HCN1: variants seen among roughly 807,000 people sequenced by gnomAD.
HCN1 encodes the protein hyperpolarization activated cyclic nucleotide gated potassium channel 1.
HCN1 carries 13 observed loss-of-function variants against 78.9 expected under a neutral mutation model. The observed-to-expected ratio is 0.16, with a 90% confidence interval of 0.11 to 0.26. The LOEUF (loss-of-function observed/expected upper bound fraction) is 0.26, where lower values mean the gene tolerates loss of function less well. Ranked by LOEUF, HCN1 falls within the 10% of genes least tolerant of loss-of-function variation. The pLI is 1.00. For synonymous variants in HCN1, 552 were observed against 455.5 expected, an observed-to-expected ratio of 1.21 and a Z score of -2.70; for missense variants, 810 against 1,154.3, an observed-to-expected ratio of 0.70 and a Z score of 4.32.
At chr5:45,333,743 A>C (rs564679103) in intron 5 of HCN1, among the ~76,000 whole-genome samples, 1 of 151,666 alleles carries the variant, frequency 6.6e-6, no homozygotes, top group East Asian at 1.9e-4. Context: ...TGAAGAGACT[A>C]TCTATTCCCC....
intron 1 of HCN1, among the ~76,000 whole-genome samples, chr5:45,653,892 A>G (rs1745721797): frequency 6.6e-6 from 1 of 152,140 alleles, no homozygotes; most frequent in Admixed American, 6.6e-5. Context: ...CACATTGTGC[A>G]CATGTACCCT....
chr5:45,639,115 T>A (rs1031537172), intron 2 of HCN1, among the ~76,000 whole-genome samples: 4 of 152,188 alleles, frequency 2.6e-5, no homozygotes, highest in African/African-American at 9.7e-5. Context: ...TCCATAGTCA[T>A]CTTTTTCTTT....
At chr5:45,348,015 C>T (rs367769404) in intron 5 of HCN1, among the ~76,000 whole-genome samples, 33 of 152,174 alleles carry the variant, frequency 2.2e-4, no homozygotes, top group East Asian at 9.7e-4. Flanking sequence ...ATACAGAGAA[C>T]GCCACAAAGA....
At chr5:45,427,875 T>C (rs1164579920) in intron 3 of HCN1, among the ~76,000 whole-genome samples, 1 of 152,120 alleles carries the variant, frequency 6.6e-6, no homozygotes, top group Non-Finnish European at 1.5e-5. Context: ...TGCTTTGCTA[T>C]GATTGTATGA....
intron 2 of HCN1, among the ~76,000 whole-genome samples, chr5:45,627,367 T>C (rs1297446333): frequency 6.6e-6 from 1 of 152,170 alleles, no homozygotes; most frequent in African/African-American, 2.4e-5. Context: ...TGTGATCAGT[T>C]TGCATCATGT....
At chr5:45,664,482 AAAAG>A (rs1745992846) in intron 1 of HCN1, among the ~76,000 whole-genome samples, 1 of 150,506 alleles carries the variant, frequency 6.6e-6, no homozygotes, top group African/African-American at 2.4e-5. Flanking sequence ...GAAAAAAAAA[AAAAG>A]AAACTACCAT....
intron 2 of HCN1, among the ~76,000 whole-genome samples, chr5:45,640,201 C>T (rs1745425722): frequency 6.6e-6 from 1 of 152,172 alleles, no homozygotes; most frequent in Non-Finnish European, 1.5e-5. Flanking sequence ...TCCTTATTTG[C>T]AGCATCTCCA....
At chr5:45,512,696 G>T (rs545584819) in intron 2 of HCN1, among the ~76,000 whole-genome samples, 1 of 152,074 alleles carries the variant, frequency 6.6e-6, no homozygotes, top group South Asian at 2.1e-4. Flanking sequence ...CAGTAGCCAC[G>T]GTTACATTGT....
At chr5:45,332,803 T>C (rs1388130273) in intron 5 of HCN1, among the ~76,000 whole-genome samples, 1 of 151,722 alleles carries the variant, frequency 6.6e-6, no homozygotes, top group East Asian at 1.9e-4. Flanking sequence ...ATCCACGTTG[T>C]TGCAAATAAC....
In HCN1 at chr5:45,379,892, C is replaced by T. The variant is rs115368842; in HGVS notation, c.1230+16600G>A. Among the ~76,000 whole-genome samples, 263 of 150,860 alleles carry T rather than the reference C, an allele frequency of 1.7e-3. 1 individual carries two copies. Among genetic ancestry groups the T allele is most frequent in the African/African-American group, 6.2e-3 (255 of 41,134 alleles). On this transcript the variant is annotated intron_variant, in intron 4 of 7. Coordinates refer to ENST00000303230, the MANE Select transcript of HCN1 (RefSeq NM_021072.4). Reference sequence around the variant, plus strand: ...TTCTGTTTGGGATAATGGAAAAGTTCGAGAAATGGATAGTGGTGATGATTA... The same window carrying T: ...TTCTGTTTGGGATAATGGAAAAGTTTGAGAAATGGATAGTGGTGATGATTA...
intron 2 of HCN1, among the ~76,000 whole-genome samples, chr5:45,616,610 T>G (rs577197901): frequency 1.3e-5 from 2 of 152,090 alleles, no homozygotes; most frequent in South Asian, 4.1e-4. Context: ...GGCCACAAAA[T>G]TTAAGTCTTT....
At chr5:45,576,523 T>G (rs1743951734) in intron 2 of HCN1, 1 of 151,984 alleles carries the variant, frequency 6.6e-6, no homozygotes, top group Non-Finnish European at 1.5e-5. Context: ...CACCCCAACT[T>G]ACAGCAACCA....
At chr5:45,448,785 A>G (rs1355667599) in intron 3 of HCN1, among the ~76,000 whole-genome samples, 1 of 152,174 alleles carries the variant, frequency 6.6e-6, no homozygotes, top group Non-Finnish European at 1.5e-5. Context: ...TACAACTATT[A>G]ATAATAGCTT....
intron 3 of HCN1, among the ~76,000 whole-genome samples, chr5:45,416,137 C>G (rs557955897): frequency 3.3e-5 from 5 of 152,020 alleles, no homozygotes; most frequent in South Asian, 2.1e-4. Context: ...ATAAACAATT[C>G]AGCATATATT....
chr5:45,677,977 T>TAC (rs1023550074), intron 1 of HCN1, among the ~76,000 whole-genome samples: 1 of 145,146 alleles, frequency 6.9e-6, no homozygotes, highest in East Asian at 2.0e-4. Context: ...ATTAAACACA[T>TAC]ACACACACAC....
At position 45,255,601 on chromosome 5, in the gene HCN1, T is replaced by G. The variant is rs193040150; in HGVS notation, c.*6320A>C. On this transcript the variant is annotated 3_prime_UTR_variant, in exon 8 of 8. Coordinates refer to ENST00000303230, the MANE Select transcript of HCN1 (RefSeq NM_021072.4). Reference sequence around the variant, plus strand: ...ACAGAATTGTAATATGTTAGGTTGGTAATAGATGTTAGAAGAGTTAGGCAA... The same window carrying G: ...ACAGAATTGTAATATGTTAGGTTGGGAATAGATGTTAGAAGAGTTAGGCAA... The G allele has an allele frequency of 6.6e-6, 1 of 152,218 alleles. No individual in the cohort carries two copies. Among genetic ancestry groups the G allele is most frequent in the Non-Finnish European group, 1.5e-5 (1 of 68,028 alleles). The allele number at this position is 152,218 out of a possible 1,614,324, so 9.4% of individuals were successfully genotyped here.
chr5:45,311,770 C>A lies in HCN1; in HGVS notation c.1378-7931G>T, dbSNP rs553150483. 7.2e-5 allele frequency among the ~76,000 whole-genome samples: 11 copies of A among 152,254 alleles called. No homozygotes were observed. In the South Asian group the frequency reaches 2.3e-3, roughly 32 times the overall value. On this transcript the variant is annotated intron_variant, in intron 5 of 7. Coordinates refer to ENST00000303230, the MANE Select transcript of HCN1 (RefSeq NM_021072.4). ...ATGAGACCTGCAGCTTTATTTATTC[C>A]TCTGAGGAAAACTTCAGACAGAGCA...
chr5:45,275,757 A>AT (rs1281300521), intron 6 of HCN1, among the ~76,000 whole-genome samples: 10 of 152,188 alleles, frequency 6.6e-5, no homozygotes, highest in Admixed American at 1.3e-4. Context: ...ACATAAACAG[A>AT]TTAAAGGGGT....
chr5:45,509,658 C>T (rs1742371709), intron 2 of HCN1, among the ~76,000 whole-genome samples: 1 of 152,098 alleles, frequency 6.6e-6, no homozygotes, highest in African/African-American at 2.4e-5. Context: ...CTGATATATT[C>T]TAATTTGAGA....
Sources: allele counts gnomAD v4.1 joint callset (sites outside exome capture counted in the v4.1 genomes callset), GRCh38; gene constraint gnomAD v4.1.1; transcripts MANE v1.5; gene names NCBI Gene and HGNC (gene_info 2026-07-23, HGNC 2026-07-21).